Variants in LRP1B observed in about 807,000 individuals in gnomAD.
LRP1B encodes the protein low-density lipoprotein receptor-related protein 1B.
In LRP1B, 217 loss-of-function variants were observed where a neutral mutation model predicts 556.6. That is an observed-to-expected ratio of 0.39 (90% CI 0.35 to 0.44). The LOEUF is 0.44. LRP1B is among the 20% of genes least tolerant of loss of function. The probability of loss-of-function intolerance (pLI) is 1.00; values close to 1 mark genes in which losing one functional copy is unlikely to be tolerated. For missense variants in LRP1B, 5,053 were observed against 5,620.8 expected (o/e 0.90, Z 3.23); for synonymous variants, 2,047 against 1,865.8 (o/e 1.10, Z -2.50).
chr2:141,522,218 C>T (rs1366515851), intron 2 of LRP1B, among the ~76,000 whole-genome samples: 1 of 152,118 alleles, frequency 6.6e-6, no homozygotes, highest in East Asian at 1.9e-4. Context: ...AACATGACCT[C>T]TTGTTTTGCA....
chr2:141,601,813 G>A (rs1467727926), intron 2 of LRP1B, among the ~76,000 whole-genome samples: 1 of 152,014 alleles, frequency 6.6e-6, no homozygotes, highest in Non-Finnish European at 1.5e-5. Flanking sequence ...ATGTTGGCCA[G>A]GCTGGTTTTG....
chr2:140,906,778 A>T (rs973500846), intron 22 of LRP1B, among the ~76,000 whole-genome samples: 2 of 152,096 alleles, frequency 1.3e-5, no homozygotes, highest in African/African-American at 2.4e-5. Flanking sequence ...TGGGCAAGAA[A>T]GAAATGAATA....
intron 43 of LRP1B, among the ~76,000 whole-genome samples, chr2:140,543,976 G>A (rs1216652161): frequency 6.6e-6 from 1 of 151,866 alleles, no homozygotes; most frequent in Non-Finnish European, 1.5e-5. Context: ...ACAAGAATCT[G>A]AAAACTATAA....
chr2:141,043,329 G>A (rs1345123081), intron 11 of LRP1B, among the ~76,000 whole-genome samples: 7 of 151,850 alleles, frequency 4.6e-5, no homozygotes, highest in African/African-American at 1.7e-4. Flanking sequence ...TGTTTGCATT[G>A]TTTTACTTGC....
intron 43 of LRP1B, among the ~76,000 whole-genome samples, chr2:140,543,181 T>C (rs1680199469): frequency 6.6e-6 from 1 of 152,090 alleles, no homozygotes; most frequent in Non-Finnish European, 1.5e-5. Flanking sequence ...TATAAAAATG[T>C]ATACCAGCAA....
At chr2:142,127,915 C>T (rs569406405) in intron 1 of LRP1B, among the ~76,000 whole-genome samples, 1 of 151,974 alleles carries the variant, frequency 6.6e-6, no homozygotes, top group Non-Finnish European at 1.5e-5. Context: ...TCAAGCAATA[C>T]TTTGATATGA....
intron 2 of LRP1B, among the ~76,000 whole-genome samples, chr2:141,729,766 A>G (rs537227765): frequency 6.6e-6 from 1 of 152,186 alleles, no homozygotes; most frequent in African/African-American, 2.4e-5. Flanking sequence ...TATTGCTTTC[A>G]TTTTCTATTC....
intron 18 of LRP1B, among the ~76,000 whole-genome samples, chr2:140,975,707 C>A (rs917847694): frequency 6.6e-6 from 1 of 152,082 alleles, no homozygotes; most frequent in Non-Finnish European, 1.5e-5. Context: ...TATTTCATGT[C>A]AATATTCCAC....
At chr2:140,771,557 C>T (rs889666524) in intron 33 of LRP1B, among the ~76,000 whole-genome samples, 1 of 152,110 alleles carries the variant, frequency 6.6e-6, no homozygotes, top group Non-Finnish European at 1.5e-5. Context: ...AAAAACACAG[C>T]CATAAGAATC....
At chr2:142,043,719 A>G (rs1437525101) in intron 1 of LRP1B, among the ~76,000 whole-genome samples, 2 of 151,700 alleles carry the variant, frequency 1.3e-5, no homozygotes, top group South Asian at 4.1e-4. Context: ...ACAGTTGTCC[A>G]CTAGCTGAGA....
chr2:141,010,076 A>C (rs1410997693), intron 14 of LRP1B, among the ~76,000 whole-genome samples: 1 of 152,040 alleles, frequency 6.6e-6, no homozygotes, highest in Non-Finnish European at 1.5e-5. Context: ...ACTTCCCTGT[A>C]GTTTTAACAA....
intron 25 of LRP1B, among the ~76,000 whole-genome samples, chr2:140,869,120 C>T (rs889973153): frequency 6.6e-6 from 1 of 152,098 alleles, no homozygotes; most frequent in Non-Finnish European, 1.5e-5. Context: ...ATAAACCAAT[C>T]AGCAAGAATT....
intron 66 of LRP1B, among the ~76,000 whole-genome samples, chr2:140,430,503 A>G (rs1368809122): frequency 6.6e-6 from 1 of 152,166 alleles, no homozygotes; most frequent in East Asian, 1.9e-4. Context: ...TGCTCTAGGC[A>G]ATGCTTATGC....
chr2:141,186,088 A>AAAC (rs1681245476), intron 7 of LRP1B, among the ~76,000 whole-genome samples: 1 of 151,118 alleles, frequency 6.6e-6, no homozygotes, highest in Admixed American at 6.6e-5. Context: ...CAAAAAAAAA[A>AAAC]AAAAAAAAAA....
intron 60 of LRP1B, among the ~76,000 whole-genome samples, chr2:140,463,172 G>A (rs1687394025): frequency 6.6e-6 from 1 of 152,126 alleles, no homozygotes; most frequent in Non-Finnish European, 1.5e-5. Context: ...CATGACAGTG[G>A]CCAGTGGGAG....
At chr2:141,581,829 T>C (rs993474314) in intron 2 of LRP1B, among the ~76,000 whole-genome samples, 9 of 152,224 alleles carry the variant, frequency 5.9e-5, no homozygotes, top group Non-Finnish European at 1.5e-5. Flanking sequence ...CAACTGGCTT[T>C]ATAACTATTC....
intron 35 of LRP1B, among the ~76,000 whole-genome samples, chr2:140,737,333 C>A (rs1687980251): frequency 6.6e-6 from 1 of 152,136 alleles, no homozygotes; most frequent in African/African-American, 2.4e-5. Context: ...TTGAGGATTA[C>A]TGGACACAGT....
intron 66 of LRP1B, among the ~76,000 whole-genome samples, chr2:140,431,032 T>C (rs1230128013): frequency 1.3e-5 from 2 of 152,306 alleles, no homozygotes; most frequent in East Asian, 3.9e-4. Flanking sequence ...GCCATCACGG[T>C]CATTTCTTCC....
chr2:141,902,328 TAA>T (rs1388975652), intron 1 of LRP1B, among the ~76,000 whole-genome samples: 1 of 151,946 alleles, frequency 6.6e-6, no homozygotes, highest in Non-Finnish European at 1.5e-5. Context: ...TATTAATTTC[TAA>T]AAGTTTCTTT....
Sources: allele counts gnomAD v4.1 joint callset (sites outside exome capture counted in the v4.1 genomes callset), GRCh38; gene constraint gnomAD v4.1.1; transcripts MANE v1.5; gene names NCBI Gene and HGNC (gene_info 2026-07-23, HGNC 2026-07-21).